FGGY: variants seen among roughly 807,000 people sequenced by gnomAD.
FGGY encodes the protein FGGY carbohydrate kinase domain containing, also known as FGGY carbohydrate kinase domain-containing protein.
Under a neutral mutation model 71.3 loss-of-function variants are expected in FGGY, and 72 were observed. The ratio of observed to expected loss-of-function variants is 1.01; its 90% CI spans 0.84 to 1.23. The LOEUF (loss-of-function observed/expected upper bound fraction) is 1.23. Among genes scored for constraint, FGGY ranks in the 50% most tolerant of loss-of-function variants. The pLI, the probability that FGGY is intolerant of heterozygous loss-of-function variation, is 0.00. For synonymous variants in FGGY, 251 were observed against 250.3 expected, an observed-to-expected ratio of 1.00 and a Z score of -0.02; for missense variants, 668 against 682.3, an observed-to-expected ratio of 0.98 and a Z score of 0.23.
intron 13 of FGGY, among the ~76,000 whole-genome samples, chr1:59,670,068 G>C (rs931126882): frequency 3.9e-5 from 6 of 152,228 alleles, no homozygotes; most frequent in Non-Finnish European, 7.3e-5. Context: ...TACAGTTCCA[G>C]ACAAAGAGAC....
intron 12 of FGGY, 59 bp from the exon 13 acceptor site, chr1:59,667,224 G>T (rs772134521): frequency 9.7e-5 from 156 of 1,607,188 alleles, no homozygotes; most frequent in Non-Finnish European, 1.2e-4. Context: ...TTTAAGAAGT[G>T]TTCCCTAGTG....
chr1:59,558,834 TC>T (rs912611941), intron 8 of FGGY, among the ~76,000 whole-genome samples: 14 of 151,806 alleles, frequency 9.2e-5, no homozygotes, highest in African/African-American at 3.4e-4. Flanking sequence ...TTTATAGACC[TC>T]CCCCCAGGAA....
At chr1:59,498,117 A>G (rs896606071) in intron 6 of FGGY, among the ~76,000 whole-genome samples, 2 of 152,170 alleles carry the variant, frequency 1.3e-5, no homozygotes, top group African/African-American at 4.8e-5. Flanking sequence ...TTATTAGGAG[A>G]TTAATAAAAA....
chr1:59,506,804 A>C (rs1388000450), intron 6 of FGGY, among the ~76,000 whole-genome samples: 1 of 152,344 alleles, frequency 6.6e-6, no homozygotes, highest in East Asian at 1.9e-4. Flanking sequence ...GTCTCAAAAA[A>C]AAAATTACAC....
At chr1:59,739,532 A>G (rs2098130919) in intron 14 of FGGY, among the ~76,000 whole-genome samples, 3 of 152,196 alleles carry the variant, frequency 2.0e-5, no homozygotes. Flanking sequence ...GCAGGTGGGA[A>G]GGTAAGGTGG....
At chr1:59,690,389 AAGCTTACAT>A (rs2097579227) in intron 14 of FGGY, among the ~76,000 whole-genome samples, 1 of 152,180 alleles carries the variant, frequency 6.6e-6, no homozygotes, top group East Asian at 1.9e-4. Context: ...GCGCTTTCCC[AAGCTTACAT>A]AGCTGGTAAA....
chr1:59,591,582 A>G (rs1320892842), intron 8 of FGGY, among the ~76,000 whole-genome samples: 1 of 152,240 alleles, frequency 6.6e-6, no homozygotes, highest in Non-Finnish European at 1.5e-5. Context: ...TACTGGTAAC[A>G]AAACAGAGAT....
intron 1 of FGGY, among the ~76,000 whole-genome samples, chr1:59,298,045 G>A (rs1001760453): frequency 2.1e-4 from 32 of 152,330 alleles, no homozygotes; most frequent in Middle Eastern, 3.4e-3. Flanking sequence ...TGAAAGAAGG[G>A]AAAGTCTTTT....
intron 5 of FGGY, among the ~76,000 whole-genome samples, chr1:59,425,790 C>A (rs913735000): frequency 1.3e-5 from 2 of 152,066 alleles, no homozygotes; most frequent in African/African-American, 4.8e-5. Flanking sequence ...TTTACTGTTC[C>A]CTTTGACAGA....
chr1:59,329,240 G>T (rs2047994378), intron 2 of FGGY, among the ~76,000 whole-genome samples: 1 of 152,150 alleles, frequency 6.6e-6, no homozygotes, highest in African/African-American at 2.4e-5. Flanking sequence ...TGAATTTTTT[G>T]ATTCCCCAGC....
At position 59,685,930 on chromosome 1, in the gene FGGY, A is replaced by G. The variant is rs373114927; in HGVS notation, c.1512+11797A>G. 2.4e-4 allele frequency among the ~76,000 whole-genome samples: 36 copies of G among 152,336 alleles called. 1 individual carries two copies. The South Asian group carries it at 7.2e-3, about 31-fold the overall frequency. On this transcript the variant is annotated intron_variant, in intron 14 of 15. Coordinates refer to ENST00000303721, the MANE Select transcript of FGGY (RefSeq NM_018291.5). ...CTGGGAAAAGTGTCAAGTCATATGG[A>G]GTCAAAGAATTATACCAATTCTTTG...
At chr1:59,607,726 T>C in intron 8 of FGGY, 77 bp from the exon 9 acceptor site, 2 of 1,133,136 alleles carry the variant, frequency 1.8e-6, no homozygotes, top group Non-Finnish European at 2.6e-6. Flanking sequence ...TCCATGGTCA[T>C]AGAAATATTA....
intron 14 of FGGY, among the ~76,000 whole-genome samples, chr1:59,749,647 C>T (rs919317907): frequency 6.6e-6 from 1 of 152,116 alleles, no homozygotes; most frequent in African/African-American, 2.4e-5. Flanking sequence ...GAATCCAATA[C>T]ACACCCCTGG....
intron 2 of FGGY, among the ~76,000 whole-genome samples, chr1:59,337,647 A>G (rs1167601495): frequency 6.6e-6 from 1 of 151,970 alleles, no homozygotes; most frequent in Non-Finnish European, 1.5e-5. Context: ...TCTTAATTTT[A>G]TTTTTTATCT....
intron 5 of FGGY, among the ~76,000 whole-genome samples, chr1:59,450,442 T>C (rs955410974): frequency 3.3e-5 from 5 of 152,160 alleles, no homozygotes; most frequent in African/African-American, 9.7e-5. Flanking sequence ...CCTTTGTGTG[T>C]GTTCACATTT....
At chr1:59,757,878 G>T in intron 14 of FGGY, 53 bp from the exon 15 acceptor site, 2 of 1,325,860 alleles carry the variant, frequency 1.5e-6, no homozygotes, top group South Asian at 2.5e-5. Flanking sequence ...GACAAGCCTC[G>T]CTTTGGATTT....
intron 5 of FGGY, among the ~76,000 whole-genome samples, chr1:59,448,502 G>C (rs1257138192): frequency 6.6e-6 from 1 of 152,094 alleles, no homozygotes; most frequent in Non-Finnish European, 1.5e-5. Context: ...ATGCACTCCA[G>C]GAGTCTAACT....
chr1:59,412,098 A>G (rs946573774), intron 5 of FGGY, among the ~76,000 whole-genome samples: 5 of 152,288 alleles, frequency 3.3e-5, no homozygotes, highest in African/African-American at 7.2e-5. Context: ...CAGTAAAGGG[A>G]AATTGTACCA....
In FGGY at chr1:59,638,187, C is replaced by T. The variant is rs773623571; in HGVS notation, c.1074-41C>T. The T allele has an allele frequency of 3.3e-5, 52 of 1,597,578 alleles. 1 individual carries two copies. In the Admixed American group the frequency reaches 8.0e-4, roughly 24 times the overall value. Reference sequence around the variant, plus strand: ...TTCTATAGAATGATTTGCTCCCTGACCCTATCCCCCCTTTAAAAATAAAAT... The same window carrying T: ...TTCTATAGAATGATTTGCTCCCTGATCCTATCCCCCCTTTAAAAATAAAAT... On this transcript the variant is annotated intron_variant, in intron 10 of 15. Transcript: ENST00000303721.
Sources: gnomAD v4.1 joint callset for allele counts (sites outside exome capture counted in the v4.1 genomes callset) on GRCh38, gnomAD v4.1.1 for gene constraint, MANE v1.5 for transcripts, NCBI Gene and HGNC (gene_info 2026-07-23, HGNC 2026-07-21) for gene names.